FBL: variants seen among roughly 807,000 people sequenced by gnomAD.
FBL encodes the protein fibrillarin rRNA 2'-O-methyltransferase.
FBL carries 10 observed loss-of-function variants against 42.2 expected under a neutral mutation model. The ratio of observed to expected loss-of-function variants is 0.24; its 90% confidence interval spans 0.15 to 0.40. The LOEUF (loss-of-function observed/expected upper bound fraction) is 0.40, where lower values mean the gene tolerates loss of function less well. Among genes scored for constraint, FBL ranks in the 10% least tolerant of loss-of-function variants. FBL has a pLI of 1.00. For synonymous variants in FBL, 165 were observed against 165.4 expected (o/e 1.00, Z 0.02); for missense variants, 351 against 439.2 (o/e 0.80, Z 1.79).
chr19:39,835,530 A>G (rs1357226456), intron 7 of FBL, among the ~76,000 whole-genome samples: 1 of 152,200 alleles, frequency 6.6e-6, no homozygotes, highest in Non-Finnish European at 1.5e-5. Context: ...AAAAATAAAA[A>G]TAAAAATAAA....
chr19:39,836,579 C>T lies in FBL; in HGVS notation c.772G>A (p.Gly258Arg), dbSNP rs771022948. The T allele has an allele frequency of 6.2e-7, 1 of 1,612,974 alleles. No homozygotes were observed. Among genetic ancestry groups the T allele is most frequent in the East Asian group, 2.2e-5 (1 of 44,868 alleles). Residue 258 changes from glycine (G) to arginine (R), a missense_variant, in exon 7 of 9, where the codon GGA becomes AGA. Coordinates refer to ENST00000221801, the MANE Select transcript of FBL (RefSeq NM_001436.4). ...ACCTTAATGGAAATCACAAAGTGTC[C>T]TCCATTACGCAGGAAGGTGTGGGCA... ...LNAHTFLRNG[G>R]HFVISIKANC... is the part of the protein sequence containing the mutation.
In FBL at chr19:39,839,170, G is replaced by T; in HGVS notation, c.414C>A (p.Asn138Lys). ...GDDKIEYRAW[N>K]PFRSKLAAAI... is the part of the protein sequence containing the mutation. ...CTGCTGCTAGCTTGGAGCGGAAGGG[G>T]TTCCAGGCTCGGTACTCAATTTTGT... The change falls in exon 5 of 9, where the codon AAC becomes AAA. Residue 138 changes from asparagine to lysine, a missense_variant. By Grantham distance (94) the Asn-to-Lys change is moderately conservative. Coordinates refer to ENST00000221801, the MANE Select transcript of FBL (RefSeq NM_001436.4). The T allele has an allele frequency of 1.2e-6, 2 of 1,613,492 alleles. No individual in the cohort carries two copies. Among genetic ancestry groups the T allele is most frequent in the Non-Finnish European group, 1.7e-6 (2 of 1,179,684 alleles).
intron 7 of FBL, among the ~76,000 whole-genome samples, chr19:39,835,111 C>T (rs1382435340): frequency 6.6e-6 from 1 of 152,342 alleles, no homozygotes; most frequent in Middle Eastern, 3.4e-3. Context: ...CTATCTTGCT[C>T]TCACCCTTCT....
intron 4 of FBL, among the ~76,000 whole-genome samples, chr19:39,839,932 C>A (rs1429013077): frequency 6.6e-6 from 1 of 151,614 alleles, no homozygotes; most frequent in Non-Finnish European, 1.5e-5. Context: ...GGAGTGGGAA[C>A]AGCAAGGCCA....
intron 5 of FBL, chr19:39,838,244 T>TTGCCTG (rs1366345338): frequency 3.8e-5 from 6 of 159,010 alleles, no homozygotes; most frequent in African/African-American, 1.4e-4. Flanking sequence ...GTTAGGTAAC[T>TTGCCTG]TGCCTGATTA....
rs556993201 is a variant in FBL, at chr19:39,839,284, AAGGAACTG to A, written c.379-87_379-80del. ...CTGCCTTTAACCCTAGGAGCCTTGA[AAGGAACTG>A]GGCTGTCCTATCACTGCACAAGAAC... On this transcript the variant is annotated intron_variant, in intron 4 of 8. Coordinates refer to ENST00000221801, the MANE Select transcript of FBL (RefSeq NM_001436.4). The A allele has an allele frequency of 2.4e-3, 2,916 of 1,228,176 alleles. 3 individuals are homozygous for A. The African/African-American group carries it at 0.03, about 13-fold the overall frequency. The allele number at this position is 1,228,176 out of a possible 1,614,324, so 76.1% of individuals were successfully genotyped here. A position where few individuals can be genotyped will look rare whatever the true frequency, so the allele number is the denominator to read the frequency against.
At chr19:39,846,148 G>A in intron 1 of FBL, 143 bp downstream of exon 1, 1 of 967,006 alleles carries the variant, frequency 1.0e-6, no homozygotes, top group Non-Finnish European at 1.6e-6. Context: ...GCTGGAATCA[G>A]AATCCCCCTT....
In FBL at chr19:39,840,338, G is replaced by A. The variant is rs529542338; in HGVS notation, c.284-11C>T. On this transcript the variant is annotated splice_polypyrimidine_tract_variant and intron_variant, in intron 3 of 8. Coordinates refer to ENST00000221801, the MANE Select transcript of FBL (RefSeq NM_001436.4). This position sits in a 1 kb window ranked among gnomAD's most constrained non-coding sequence, Gnocchi z 4.5. ...GACAAATGAAGACACCTGGGTGAGG[G>A]GATCAGAGCAGGGGTGAGGACCCCC... is the stretch of plus-strand genomic sequence containing the variant. The A allele has an allele frequency of 3.5e-5, 56 of 1,613,356 alleles. No homozygotes were observed. The highest frequency in any genetic ancestry group is 2.2e-4 in the South Asian group (20 of 91,070).
chr19:39,846,221 G>T, intron 1 of FBL, 70 bp downstream of exon 1: 2 of 1,593,852 alleles, frequency 1.3e-6, no homozygotes, highest in Non-Finnish European at 1.7e-6. Context: ...CCACCCCTCC[G>T]ATTCTGGCCT....
chr19:39,834,558 G>T lies in FBL; in HGVS notation c.946C>A (p.Pro316Thr), dbSNP rs992658468. The change falls in exon 9 of 9, where the codon CCC (proline) becomes ACC (threonine). Residue 316 changes from proline (P) to threonine (T), a missense_variant. Coordinates refer to ENST00000221801, the MANE Select transcript of FBL (RefSeq NM_001436.4). ...GAACTTCAGTTCTTCACCTTGGGGG[G>T]TGGCCTGTGAGAGGAAGATAGGTGA... is the stretch of plus-strand genomic sequence containing the variant. The part of the protein sequence containing the change: ...HAVVVGVYRP[P>T]PKVKN 6.2e-7 allele frequency: 1 copy of T among 1,614,028 alleles called. No homozygotes were observed. Among genetic ancestry groups the T allele is most frequent in the Non-Finnish European group, 8.5e-7 (1 of 1,180,038 alleles).
chr19:39,836,603 C>T lies in FBL; in HGVS notation c.748G>A (p.Ala250Thr). The change falls in exon 7 of 9, where the codon GCC (alanine) becomes ACC (threonine). Residue 250 changes from alanine to threonine, a missense_variant. Transcript: ENST00000221801. ...CCTCCATTACGCAGGAAGGTGTGGG[C>T]ATTCAGGGCCACAATCCGGGTCTGG... ...PDQTRIVALN[A>T]HTFLRNGGHF... The T allele has an allele frequency of 2.5e-6, 4 of 1,614,156 alleles. No homozygotes were observed. Among genetic ancestry groups the T allele is most frequent in the Non-Finnish European group, 3.4e-6 (4 of 1,179,976 alleles).
rs139884405 is a variant in FBL, at chr19:39,841,094, C to A, written c.11-307G>T. ...TTTGCTTAGTGCTTTTTTTTTGAGA[C>A]AGGGTCTTGCTGTGCCGCCCAGGTT... On this transcript the variant is annotated intron_variant, in intron 1 of 8. Transcript: ENST00000221801. Among the ~76,000 whole-genome samples the A allele has an allele frequency of 2.6e-5, 4 of 151,864 alleles. No individual in the cohort carries two copies. The East Asian group carries it at 7.7e-4, about 29-fold the overall frequency.
In FBL at chr19:39,840,821, G is replaced by A. The variant is rs1969151412; in HGVS notation, c.11-34C>T. ...GAAACAAAACAGGAGTCAGGGCAAT[G>A]AAGCTTAAAAGGTTAAACCACCTTG... is the stretch of plus-strand genomic sequence containing the variant. On this transcript the variant is annotated intron_variant, in intron 1 of 8. Transcript: ENST00000221801. This position sits in a 1 kb window ranked among gnomAD's most constrained non-coding sequence, Gnocchi z 4.5. 6.7e-7 allele frequency: 1 copy of A among 1,497,542 alleles called. No homozygotes were observed. Among genetic ancestry groups the A allele is most frequent in the East Asian group, 2.4e-5 (1 of 41,222 alleles). 92.8% of individuals were successfully genotyped at this position (1,497,542 alleles called of 1,614,324 possible). A position where few individuals can be genotyped will look rare whatever the true frequency, so the allele number is the denominator to read the frequency against.
intron 6 of FBL, 108 bp from the exon 7 acceptor site, chr19:39,836,776 C>A: frequency 1.3e-6 from 1 of 754,996 alleles, no homozygotes; most frequent in Non-Finnish European, 2.2e-6. Context: ...ATTCTCCCTG[C>A]CTCCAGTTTC....
At chr19:39,839,355 T>C (rs1969113056) in intron 4 of FBL, 150 bp from the exon 5 acceptor site, 1 of 611,186 alleles carries the variant, frequency 1.6e-6, no homozygotes, top group Non-Finnish European at 2.8e-6. Flanking sequence ...GCACATGCAG[T>C]CGCTGCCCTC....
intron 6 of FBL, 125 bp from the exon 7 acceptor site, chr19:39,836,793 C>T: frequency 4.7e-6 from 3 of 638,160 alleles, no homozygotes; most frequent in Non-Finnish European, 8.2e-6. Flanking sequence ...TTTCACTCCC[C>T]ACCTCCACTG....
chr19:39,841,615 A>G (rs973353826), intron 1 of FBL, among the ~76,000 whole-genome samples: 1 of 152,160 alleles, frequency 6.6e-6, no homozygotes, highest in Non-Finnish European at 1.5e-5. Flanking sequence ...AGACTCTGCA[A>G]ACGTCTTCAT....
intron 1 of FBL, among the ~76,000 whole-genome samples, chr19:39,842,442 A>T (rs937161664): frequency 6.6e-6 from 1 of 152,112 alleles, no homozygotes; most frequent in Non-Finnish European, 1.5e-5. Context: ...CCCTTCATGC[A>T]CCTTAATGGT....
At chr19:39,843,517 C>T (rs1484609967) in intron 1 of FBL, among the ~76,000 whole-genome samples, 2 of 152,244 alleles carry the variant, frequency 1.3e-5, no homozygotes, top group African/African-American at 4.8e-5. Context: ...TGCCTGTAAT[C>T]CCAGCACTTT....
Sources: allele counts gnomAD v4.1 joint callset (sites outside exome capture counted in the v4.1 genomes callset), GRCh38; gene constraint gnomAD v4.1.1; non-coding constraint Gnocchi (gnomAD v3.1); transcripts MANE v1.5; gene names NCBI Gene and HGNC (gene_info 2026-07-23, HGNC 2026-07-21).